Variants in PRKG1 observed in about 807,000 individuals in gnomAD.
PRKG1 encodes the protein cGMP-dependent protein kinase 1.
PRKG1 carries 35 observed loss-of-function variants against 88.1 expected under a neutral mutation model. The observed-to-expected ratio is 0.40, with a 90% CI of 0.30 to 0.53. The LOEUF (loss-of-function observed/expected upper bound fraction) is 0.53. Ranked by LOEUF, PRKG1 falls within the 20% of genes least tolerant of loss-of-function variation. The pLI is 0.59. For synonymous variants in PRKG1, 303 were observed against 292.5 expected (o/e 1.04, Z -0.37); for missense variants, 540 against 839.8 (o/e 0.64, Z 4.41).
In PRKG1 at chr10:52,086,881, A is replaced by G. The variant is rs556234554; in HGVS notation, c.935+24250A>G. On this transcript the variant is annotated intron_variant, in intron 7 of 17. Transcript: ENST00000373980. Reference sequence around the variant, plus strand: ...ACCTCAGGAAACTTACAGTCATGGCAGAAGAGGAAGCAAACATGTCCTTTT... The same window carrying G: ...ACCTCAGGAAACTTACAGTCATGGCGGAAGAGGAAGCAAACATGTCCTTTT... Among the ~76,000 whole-genome samples the G allele has an allele frequency of 1.8e-4, 27 of 152,276 alleles. No individual in the cohort carries two copies. The East Asian group carries it at 5.2e-3, about 29-fold the overall frequency.
chr10:51,612,768 C>A (rs2132247479), intron 3 of PRKG1, among the ~76,000 whole-genome samples: 1 of 151,828 alleles, frequency 6.6e-6, no homozygotes, highest in Non-Finnish European at 1.5e-5. Context: ...TCATATAGGG[C>A]CTTTATTATT....
chr10:52,024,316 A>ATTTTT (rs201621834), intron 5 of PRKG1, among the ~76,000 whole-genome samples: 21,666 of 131,478 alleles, frequency 0.16, 1,873 homozygotes, highest in African/African-American at 0.28. Flanking sequence ...TATTTATTTA[A>ATTTTT]CTTTTTTTTT....
At chr10:51,832,434 T>C (rs911526127) in intron 4 of PRKG1, among the ~76,000 whole-genome samples, 1 of 152,202 alleles carries the variant, frequency 6.6e-6, no homozygotes, top group Non-Finnish European at 1.5e-5. Context: ...TATTTTAGGC[T>C]TTGTAGACTA....
intron 7 of PRKG1, among the ~76,000 whole-genome samples, chr10:52,088,952 T>C (rs1846983816): frequency 6.6e-6 from 1 of 152,208 alleles, no homozygotes. Context: ...AAAGGGTGTA[T>C]GGCACATGAG....
At chr10:52,013,651 T>C (rs1844958202) in intron 5 of PRKG1, among the ~76,000 whole-genome samples, 1 of 152,180 alleles carries the variant, frequency 6.6e-6, no homozygotes, top group African/African-American at 2.4e-5. Flanking sequence ...ACAGGACATG[T>C]GTAGAGAGGC....
chr10:51,114,738 C>T (rs1263067157), intron 1 of PRKG1, among the ~76,000 whole-genome samples: 1 of 152,000 alleles, frequency 6.6e-6, no homozygotes, highest in Non-Finnish European at 1.5e-5. Context: ...GTACTCTTTT[C>T]AGCTGGACAG....
chr10:51,756,110 A>G (rs1299077857), intron 3 of PRKG1, among the ~76,000 whole-genome samples: 1 of 152,248 alleles, frequency 6.6e-6, no homozygotes, highest in African/African-American at 2.4e-5. Flanking sequence ...TTGGGGGCAG[A>G]CAAGGAAAGT....
intron 3 of PRKG1, among the ~76,000 whole-genome samples, chr10:51,508,313 A>G (rs533022954): frequency 2.6e-5 from 4 of 152,296 alleles, no homozygotes; most frequent in South Asian, 2.1e-4. Flanking sequence ...GTGAAAGAAT[A>G]TACGCATGGT....
At chr10:51,627,482 C>T (rs888046216) in intron 3 of PRKG1, among the ~76,000 whole-genome samples, 1 of 152,132 alleles carries the variant, frequency 6.6e-6, no homozygotes, top group Non-Finnish European at 1.5e-5. Flanking sequence ...TCAATCTTTT[C>T]ATGAAATTCT....
At chr10:51,906,134 A>C (rs1842080648) in intron 4 of PRKG1, among the ~76,000 whole-genome samples, 2 of 152,174 alleles carry the variant, frequency 1.3e-5, no homozygotes, top group South Asian at 4.1e-4. Flanking sequence ...CTGTGTCTTC[A>C]ATAATGGTTA....
chr10:51,044,087 A>G (rs1361329613), intron 1 of PRKG1, among the ~76,000 whole-genome samples: 1 of 152,200 alleles, frequency 6.6e-6, no homozygotes, highest in African/African-American at 2.4e-5. Flanking sequence ...CAAAGTCACA[A>G]AGTTGAAGTA....
At chr10:52,037,061 G>C (rs570624621) in intron 5 of PRKG1, among the ~76,000 whole-genome samples, 1 of 152,290 alleles carries the variant, frequency 6.6e-6, no homozygotes, top group Non-Finnish European at 1.5e-5. Context: ...ATCTGGGAAG[G>C]AGTCAGTCAG....
chr10:51,099,485 G>A (rs542699973), intron 1 of PRKG1, among the ~76,000 whole-genome samples: 1 of 152,050 alleles, frequency 6.6e-6, no homozygotes, highest in African/African-American at 2.4e-5. Flanking sequence ...GTTTAAAGAG[G>A]TGTTTGTGGG....
intron 3 of PRKG1, among the ~76,000 whole-genome samples, chr10:51,746,791 G>A (rs533683013): frequency 6.6e-6 from 1 of 151,620 alleles, no homozygotes; most frequent in South Asian, 2.1e-4. Context: ...AAAAAAGAAA[G>A]CATTTGCTCC....
intron 7 of PRKG1, among the ~76,000 whole-genome samples, chr10:52,085,881 A>T (rs1420169841): frequency 6.6e-6 from 1 of 152,124 alleles, no homozygotes; most frequent in Non-Finnish European, 1.5e-5. Context: ...TAAATGTAAA[A>T]GTTCCAGAAT....
intron 2 of PRKG1, among the ~76,000 whole-genome samples, chr10:51,283,516 A>G (rs1425968359): frequency 6.6e-6 from 1 of 152,214 alleles, no homozygotes; most frequent in Admixed American, 6.5e-5. Flanking sequence ...AATCAATTTC[A>G]CTGAGATCAA....
At chr10:51,020,259 A>G (rs574526472) in intron 1 of PRKG1, among the ~76,000 whole-genome samples, 2 of 152,158 alleles carry the variant, frequency 1.3e-5, no homozygotes, top group Non-Finnish European at 2.9e-5. Context: ...GCCTCAGTGG[A>G]TTGAGATTAC....
intron 2 of PRKG1, among the ~76,000 whole-genome samples, chr10:51,386,216 A>C (rs1177862677): frequency 6.6e-6 from 1 of 152,126 alleles, no homozygotes; most frequent in African/African-American, 2.4e-5. Context: ...TATTGTCTAC[A>C]ATATTTTTGT....
chr10:51,416,725 G>T (rs1838250103), intron 2 of PRKG1, among the ~76,000 whole-genome samples: 1 of 152,128 alleles, frequency 6.6e-6, no homozygotes, highest in South Asian at 2.1e-4. Context: ...GCTAAAGAGG[G>T]TCACGTACAT....
Sources: allele counts gnomAD v4.1 joint callset (sites outside exome capture counted in the v4.1 genomes callset), GRCh38; gene constraint gnomAD v4.1.1; transcripts MANE v1.5; gene names NCBI Gene and HGNC (gene_info 2026-07-23, HGNC 2026-07-21).